RBL1: variants seen among roughly 807,000 people sequenced by gnomAD.
RBL1 encodes RB transcriptional corepressor like 1, also known as retinoblastoma-like protein 1.
RBL1 carries 82 observed loss-of-function variants against 123.0 expected under a neutral mutation model. The observed-to-expected ratio is 0.67, with a 90% confidence interval of 0.56 to 0.80. The LOEUF (loss-of-function observed/expected upper bound fraction) is 0.80. Ranked by LOEUF, RBL1 falls within the 30% of genes least tolerant of loss-of-function variation. The probability of loss-of-function intolerance (pLI) is 0.00; values close to 1 mark genes in which losing one functional copy is unlikely to be tolerated. For synonymous variants in RBL1, 405 were observed against 441.3 expected (o/e 0.92, Z 1.03); for missense variants, 1,171 against 1,299.6 (o/e 0.90, Z 1.52).
At position 37,062,135 on chromosome 20, in the gene RBL1, T is replaced by C; in HGVS notation, c.1032A>G (p.Lys344=). The C allele has an allele frequency of 6.2e-7, 1 of 1,614,200 alleles. No homozygotes were observed. The highest frequency in any genetic ancestry group is 1.3e-5 in the African/African-American group (1 of 75,060). Residue 344 remains lysine, a synonymous_variant, in exon 8 of 22, where the codon AAA becomes AAG. Transcript: ENST00000373664. ...RKFTRDTPLG[K]LTAQANVEYN... ...ACTCCACATTAGCCTGTGCTGTCAGTTTCCCTAATGGGGTGTCACGAGTGA... is the reference window on the plus strand; with the variant it reads ...ACTCCACATTAGCCTGTGCTGTCAGCTTCCCTAATGGGGTGTCACGAGTGA...
chr20:37,003,789 G>A lies in RBL1; in HGVS notation c.2949C>T (p.His983=), dbSNP rs2064024680. 1.2e-6 allele frequency: 2 copies of A among 1,613,924 alleles called. No homozygotes were observed. The highest frequency in any genetic ancestry group is 1.1e-5 in the South Asian group (1 of 91,082). Residue 983 remains histidine, a synonymous_variant, in exon 21 of 22, where the codon CAC becomes CAT. Coordinates refer to ENST00000373664, the MANE Select transcript of RBL1 (RefSeq NM_002895.5). ...PGSPRRISQQ[H]SIYISPHKNG... is the part of the protein sequence containing the mutation. ...TCTTGTGCGGGGAAATATAAATGGA[G>A]TGCTGCTGGGAAATGCGGCGTGGTG...
intron 11 of RBL1, among the ~76,000 whole-genome samples, chr20:37,049,000 G>A (rs1448686251): frequency 2.6e-5 from 4 of 151,080 alleles, no homozygotes; most frequent in Admixed American, 2.0e-4. Context: ...TCAGGAGTTC[G>A]AGACCAGCTT....
rs2064781964 is a variant in RBL1 at position 37,044,312 on chromosome 20, C to A, written c.1606-62G>T. 4 of 1,485,240 alleles carry A rather than the reference C, an allele frequency of 2.7e-6. No individual in the cohort carries two copies. The South Asian group carries it at 3.6e-5, about 13-fold the overall frequency. 92.0% of individuals were successfully genotyped at this position (1,485,240 alleles called of 1,614,324 possible). ...AGCAGTTAGTTCTAGTCTGGACTTGCATGTAGGACTAGCTGTGGCTTTCTT... is the reference window on the plus strand; with the variant it reads ...AGCAGTTAGTTCTAGTCTGGACTTGAATGTAGGACTAGCTGTGGCTTTCTT... On this transcript the variant is annotated intron_variant, in intron 12 of 21. Transcript: ENST00000373664.
chr20:36,996,556 T>C lies in RBL1; in HGVS notation c.*2203A>G, dbSNP rs982155030. 3 of 152,300 alleles carry C rather than the reference T, an allele frequency of 2.0e-5. No homozygotes were observed. Among genetic ancestry groups the C allele is most frequent in the East Asian group, 1.9e-4 (1 of 5,200 alleles). The allele number at this position is 152,300 out of a possible 1,614,324, so 9.4% of individuals were successfully genotyped here. Reference sequence around the variant, plus strand: ...CTCCCAGTCTCAAGTGATCCTCTCATGTCAGTCTCCTGAGTAGCTGGGACT... The same window carrying C: ...CTCCCAGTCTCAAGTGATCCTCTCACGTCAGTCTCCTGAGTAGCTGGGACT... On this transcript the variant is annotated 3_prime_UTR_variant, in exon 22 of 22. Coordinates refer to ENST00000373664, the MANE Select transcript of RBL1 (RefSeq NM_002895.5).
chr20:37,065,624 G>T, intron 6 of RBL1, 151 bp from the exon 7 acceptor site: 2 of 524,866 alleles, frequency 3.8e-6, no homozygotes, highest in South Asian at 7.4e-5. Context: ...AAACTATTTA[G>T]CATGCAAATA....
chr20:37,012,015 G>C (rs1285663417), intron 19 of RBL1, among the ~76,000 whole-genome samples: 2 of 152,226 alleles, frequency 1.3e-5, no homozygotes, highest in East Asian at 3.9e-4. Flanking sequence ...GGCGCGCGCT[G>C]TCACGCCTGA....
chr20:37,062,681 C>A (rs1051864431), intron 7 of RBL1, among the ~76,000 whole-genome samples: 22 of 142,948 alleles, frequency 1.5e-4, no homozygotes, highest in Admixed American at 1.1e-3. Context: ...ATGGGCCAGG[C>A]GCGGTGGCTC....
chr20:37,029,496 A>G (rs770612101), intron 16 of RBL1, among the ~76,000 whole-genome samples: 10 of 152,198 alleles, frequency 6.6e-5, no homozygotes, highest in Non-Finnish European at 7.4e-5. Flanking sequence ...TCATACTCAA[A>G]TTGAAAACCT....
chr20:37,089,349 A>C (rs1205242817), intron 1 of RBL1, among the ~76,000 whole-genome samples: 3 of 152,172 alleles, frequency 2.0e-5, no homozygotes, highest in Non-Finnish European at 4.4e-5. Context: ...ATGCTAAATT[A>C]ATATTAATCT....
intron 1 of RBL1, among the ~76,000 whole-genome samples, chr20:37,094,396 C>T (rs530573605): frequency 2.2e-4 from 33 of 152,332 alleles, no homozygotes; most frequent in African/African-American, 7.0e-4. Flanking sequence ...CCCAGTCTAT[C>T]CAGTTCTGAA....
chr20:37,050,195 T>C (rs370967084), intron 11 of RBL1, among the ~76,000 whole-genome samples: 1 of 151,872 alleles, frequency 6.6e-6, no homozygotes. Flanking sequence ...AATGAAAATA[T>C]AGCTGAAATT....
intron 16 of RBL1, among the ~76,000 whole-genome samples, chr20:37,030,263 A>G (rs2064484549): frequency 2.0e-5 from 3 of 152,248 alleles, no homozygotes; most frequent in Admixed American, 2.0e-4. Context: ...AATAGAATAG[A>G]GAGCCCAGAA....
rs1400707933 is a variant in RBL1 at position 36,996,924 on chromosome 20, A to G, written c.*1835T>C. 1 of 152,220 alleles carries G rather than the reference A, an allele frequency of 6.6e-6. No homozygotes were observed. Among genetic ancestry groups the G allele is most frequent in the African/African-American group, 2.4e-5 (1 of 41,454 alleles). The allele number at this position is 152,220 out of a possible 1,614,324, so 9.4% of individuals were successfully genotyped here. ...GGATGTAATTTTCATTTACAAGCAA[A>G]ATGTGACCAAAATCCCTTTTCTTCT... On this transcript the variant is annotated 3_prime_UTR_variant, in exon 22 of 22. Transcript: ENST00000373664.
intron 2 of RBL1, among the ~76,000 whole-genome samples, chr20:37,074,319 T>TA (rs2065328526): frequency 2.1e-5 from 3 of 146,230 alleles, no homozygotes; most frequent in Non-Finnish European, 4.5e-5. Context: ...GGGGCTGAGG[T>TA]AGGCAGATCG....
At chr20:37,007,322 T>C in intron 20 of RBL1, 89 bp downstream of exon 20, 1 of 1,390,900 alleles carries the variant, frequency 7.2e-7, no homozygotes, top group South Asian at 1.2e-5. Flanking sequence ...CTAGTAATTT[T>C]ACTTGGACAT....
At chr20:37,048,305 G>T (rs765754680) in intron 11 of RBL1, among the ~76,000 whole-genome samples, 4 of 152,128 alleles carry the variant, frequency 2.6e-5, no homozygotes, top group Admixed American at 1.3e-4. Context: ...CCCACTCTAT[G>T]GGATCAGATG....
At chr20:37,078,472 C>T (rs889593357) in intron 2 of RBL1, among the ~76,000 whole-genome samples, 1 of 152,140 alleles carries the variant, frequency 6.6e-6, no homozygotes, top group South Asian at 2.1e-4. Flanking sequence ...TTTCTAATAA[C>T]GGGAGTCTAC....
In RBL1 at chr20:37,040,296, CAAAA is replaced by C; in HGVS notation, c.1771-15_1771-12del. On this transcript the variant is annotated splice_polypyrimidine_tract_variant and intron_variant, in intron 13 of 21. Transcript: ENST00000373664. ...ATTTGGGAATATAACCTGTAGAAAA[CAAAA>C]ACCCTTTGATTTACATATAGATAAA... The C allele has an allele frequency of 6.2e-7, 1 of 1,607,320 alleles. No homozygotes were observed. The highest frequency in any genetic ancestry group is 1.1e-5 in the South Asian group (1 of 89,250).
At chr20:37,039,843 C>A (rs1453756209) in intron 14 of RBL1, among the ~76,000 whole-genome samples, 6 of 152,012 alleles carry the variant, frequency 3.9e-5, no homozygotes, top group Non-Finnish European at 8.8e-5. Flanking sequence ...GTAGCTAGGA[C>A]TACAGAAAGA....
Sources: gnomAD v4.1 joint callset for allele counts (sites outside exome capture counted in the v4.1 genomes callset) on GRCh38, gnomAD v4.1.1 for gene constraint, MANE v1.5 for transcripts, NCBI Gene and HGNC (gene_info 2026-07-23, HGNC 2026-07-21) for gene names.